TUSC3: variants seen among roughly 807,000 people sequenced by gnomAD.
TUSC3 encodes the protein tumor suppressor candidate 3, also known as dolichyl-diphosphooligosaccharide--protein glycosyltransferase subunit TUSC3.
Under a neutral mutation model 44.8 loss-of-function variants are expected in TUSC3, and 45 were observed. The ratio of observed to expected loss-of-function variants is 1.00; its 90% confidence interval spans 0.79 to 1.29. The LOEUF is 1.29. Ranked by LOEUF, TUSC3 falls within the 50% of genes most tolerant of loss-of-function variation. TUSC3 has a pLI of 0.00. For synonymous variants in TUSC3, 212 were observed against 152.9 expected (o/e 1.39, Z -2.85); for missense variants, 519 against 437.9 (o/e 1.19, Z -1.65).
chr8:15,808,120 T>C, the TUSC3 span, among the ~76,000 whole-genome samples: 1 of 152,178 alleles, frequency 6.6e-6, no homozygotes, highest in Admixed American at 6.5e-5. Flanking sequence ...TATCATTTTA[T>C]TGTAGAGATT....
chr8:15,570,948 C>A lies in TUSC3; in HGVS notation c.138+30380C>A, dbSNP rs187843092. Among the ~76,000 whole-genome samples, 325 of 39,644 alleles carry A rather than the reference C, an allele frequency of 8.2e-3. 6 individuals are homozygous for A. The highest frequency in any genetic ancestry group is 0.017 in the African/African-American group (313 of 18,468). The allele number at this position is 39,644 out of a possible 152,430, so 26.0% of individuals were successfully genotyped here. On this transcript the variant is annotated intron_variant, in intron 1 of 10. Coordinates refer to ENST00000503731, the MANE Select transcript of TUSC3 (RefSeq NM_006765.4). ...CAAACTTTGCTTTCTATTCCATTGCCTATTAGTTTTTTTTTTTTTTTTTTT... is the reference window on the plus strand; with the variant it reads ...CAAACTTTGCTTTCTATTCCATTGCATATTAGTTTTTTTTTTTTTTTTTTT...
chr8:15,795,633 C>T, the TUSC3 span, among the ~76,000 whole-genome samples: 1 of 152,154 alleles, frequency 6.6e-6, no homozygotes, highest in Admixed American at 6.5e-5. Flanking sequence ...CGTGGCTACA[C>T]ACAAGAAGCA....
At chr8:15,705,015 C>A (rs1272397107) in intron 6 of TUSC3, among the ~76,000 whole-genome samples, 3 of 151,356 alleles carry the variant, frequency 2.0e-5, no homozygotes, top group Non-Finnish European at 4.4e-5. Flanking sequence ...TTCTCTGTGG[C>A]ATCTCATATT....
chr8:15,730,883 A>G (rs1810694790), intron 7 of TUSC3, among the ~76,000 whole-genome samples, 154 bp downstream of exon 7: 1 of 152,096 alleles, frequency 6.6e-6, no homozygotes, highest in Non-Finnish European at 1.5e-5. Flanking sequence ...TATGCTAATT[A>G]TTTCCTATTA....
chr8:15,466,748 A>G (rs1800419618), intron 1 of TUSC3, among the ~76,000 whole-genome samples: 1 of 152,086 alleles, frequency 6.6e-6, no homozygotes, highest in Non-Finnish European at 1.5e-5. Flanking sequence ...TGCTTTTAAA[A>G]ATCAAGTCAT....
At chr8:15,434,777 C>T (rs1799924378) in intron 1 of TUSC3, among the ~76,000 whole-genome samples, 1 of 151,634 alleles carries the variant, frequency 6.6e-6, no homozygotes, top group Non-Finnish European at 1.5e-5. Context: ...TGAGTGAGAA[C>T]ATGTGGTGTT....
chr8:15,629,120 T>C (rs1208058468), intron 2 of TUSC3, among the ~76,000 whole-genome samples: 1 of 152,214 alleles, frequency 6.6e-6, no homozygotes, highest in Non-Finnish European at 1.5e-5. Flanking sequence ...TTCGATGGTA[T>C]AAAGAAGCTT....
At chr8:15,569,955 C>T (rs1802810869) in intron 1 of TUSC3, among the ~76,000 whole-genome samples, 3 of 151,946 alleles carry the variant, frequency 2.0e-5, no homozygotes, top group Non-Finnish European at 2.9e-5. Context: ...GTCACTTCAT[C>T]GCTTAAGAGG....
chr8:15,664,945 T>C (rs1254438972), intron 5 of TUSC3, among the ~76,000 whole-genome samples: 1 of 151,312 alleles, frequency 6.6e-6, no homozygotes, highest in Non-Finnish European at 1.5e-5. Flanking sequence ...GATTGTTGCT[T>C]ATAAATTGAA....
At chr8:15,542,581 T>A (rs899815286) in intron 1 of TUSC3, among the ~76,000 whole-genome samples, 2 of 151,916 alleles carry the variant, frequency 1.3e-5, no homozygotes, top group African/African-American at 4.8e-5. Flanking sequence ...AAAAAAAAAA[T>A]CTAAAAAGTG....
chr8:15,772,902 T>A, the TUSC3 span, among the ~76,000 whole-genome samples: 1 of 144,772 alleles, frequency 6.9e-6, no homozygotes, highest in Non-Finnish European at 1.5e-5. Context: ...AGGGAAAGCT[T>A]ACATAATGAT....
At chr8:15,651,026 T>G in intron 3 of TUSC3, 1 of 504,250 alleles carries the variant, frequency 2.0e-6, no homozygotes. Context: ...CACACACAAA[T>G]ACAATTCATT....
At chr8:15,773,065 A>C in the TUSC3 span, among the ~76,000 whole-genome samples, 1 of 142,446 alleles carries the variant, frequency 7.0e-6, no homozygotes. Flanking sequence ...TTCCCCCTGA[A>C]ATCAGGGACA....
At chr8:15,605,837 CTG>C (rs1804497036) in intron 1 of TUSC3, among the ~76,000 whole-genome samples, 1 of 151,916 alleles carries the variant, frequency 6.6e-6, no homozygotes, top group Non-Finnish European at 1.5e-5. Context: ...ATAAAATTAA[CTG>C]TAGTACGTTA....
chr8:15,711,837 T>G (rs7833540), intron 6 of TUSC3, among the ~76,000 whole-genome samples: 2 of 151,890 alleles, frequency 1.3e-5, no homozygotes, highest in African/African-American at 4.8e-5. Context: ...CTCTATAGTT[T>G]CAGAGTATAT....
intron 2 of TUSC3, among the ~76,000 whole-genome samples, chr8:15,520,881 G>C (rs1035115415): frequency 1.3e-5 from 2 of 152,164 alleles, no homozygotes; most frequent in African/African-American, 2.4e-5. Context: ...AGAAATAGAA[G>C]CAAACCACCC....
chr8:15,815,111 G>A, the TUSC3 span, among the ~76,000 whole-genome samples: 1 of 152,156 alleles, frequency 6.6e-6, no homozygotes, highest in Non-Finnish European at 1.5e-5. Context: ...ACAATGTAGT[G>A]TAATAAAATG....
the TUSC3 span, among the ~76,000 whole-genome samples, chr8:15,782,955 T>TA: frequency 2.1e-3 from 316 of 151,858 alleles, 2 homozygotes; most frequent in Middle Eastern, 0.014. Context: ...CATGATGTGA[T>TA]AAAAAAAATA....
intron 1 of TUSC3, among the ~76,000 whole-genome samples, chr8:15,606,771 C>T (rs1265061738): frequency 6.6e-6 from 1 of 151,902 alleles, no homozygotes; most frequent in Non-Finnish European, 1.5e-5. Context: ...CTAGAAATGG[C>T]ATTGATGAAC....
Sources: gnomAD v4.1 joint callset for allele counts (sites outside exome capture counted in the v4.1 genomes callset) on GRCh38, gnomAD v4.1.1 for gene constraint, MANE v1.5 for transcripts, NCBI Gene and HGNC (gene_info 2026-07-23, HGNC 2026-07-21) for gene names.